Variants in GLT8D2 observed in about 807,000 individuals in gnomAD.
The protein encoded by GLT8D2 is glycosyltransferase 8 domain-containing protein 2.
Under a neutral mutation model 44.5 loss-of-function variants are expected in GLT8D2, and 45 were observed. The ratio of observed to expected loss-of-function variants is 1.01; its 90% CI spans 0.80 to 1.30. The LOEUF (loss-of-function observed/expected upper bound fraction) is 1.30. Ranked by LOEUF, GLT8D2 falls within the 50% of genes most tolerant of loss-of-function variation. GLT8D2 has a pLI of 0.00. For synonymous variants in GLT8D2, 156 were observed against 157.2 expected, an observed-to-expected ratio of 0.99 and a Z score of 0.06; for missense variants, 400 against 430.4, an observed-to-expected ratio of 0.93 and a Z score of 0.62.
At chr12:104,019,416 G>A (rs1877339219) in intron 3 of GLT8D2, among the ~76,000 whole-genome samples, 2 of 151,986 alleles carry the variant, frequency 1.3e-5, no homozygotes, top group Admixed American at 1.3e-4. Context: ...GCGTGAGCCA[G>A]TGCGCCCAGC....
intron 1 of GLT8D2, among the ~76,000 whole-genome samples, chr12:104,061,485 T>G (rs1357608451): frequency 6.6e-6 from 1 of 152,130 alleles, no homozygotes. Flanking sequence ...TTGGGTTTTA[T>G]GAAAAACTCA....
chr12:104,036,741 T>C (rs1346094735), intron 1 of GLT8D2, among the ~76,000 whole-genome samples: 1 of 152,154 alleles, frequency 6.6e-6, no homozygotes, highest in Non-Finnish European at 1.5e-5. Flanking sequence ...CTGTCAATAT[T>C]AGACAAATCA....
chr12:104,004,913 C>T (rs1037185235), intron 4 of GLT8D2, among the ~76,000 whole-genome samples: 27 of 152,168 alleles, frequency 1.8e-4, no homozygotes, highest in African/African-American at 2.2e-4. Context: ...AAAAAGAGCC[C>T]GCATCGCCAA....
rs764265253 is a variant in GLT8D2, at chr12:104,033,420, C to A, written c.-163-11929G>T. Among the ~76,000 whole-genome samples, 21 of 152,056 alleles carry A rather than the reference C, an allele frequency of 1.4e-4. 1 individual carries two copies. Among genetic ancestry groups the A allele is most frequent in the Non-Finnish European group, 2.1e-4 (14 of 68,026 alleles). On this transcript the variant is annotated intron_variant, in intron 1 of 10. Coordinates refer to ENST00000360814, the MANE Select transcript of GLT8D2 (RefSeq NM_001384711.1). ...GCCAGGTAAAGAAAAATGAATACAG[C>A]ATGTTCACTTATATGAGAAATCTAC...
At chr12:104,011,708 A>G (rs1875849333) in intron 4 of GLT8D2, among the ~76,000 whole-genome samples, 1 of 152,182 alleles carries the variant, frequency 6.6e-6, no homozygotes, top group African/African-American at 2.4e-5. Flanking sequence ...AAAATAATAC[A>G]TAATTATTGA....
At chr12:104,005,641 A>G (rs1020488094) in intron 4 of GLT8D2, among the ~76,000 whole-genome samples, 2 of 152,262 alleles carry the variant, frequency 1.3e-5, no homozygotes, top group African/African-American at 4.8e-5. Context: ...AATGCTCACC[A>G]TCACTGGCCA....
chr12:104,032,466 C>CAAAAAAAAAAAAAAAAA (rs547392677), intron 1 of GLT8D2, among the ~76,000 whole-genome samples: 22 of 59,656 alleles, frequency 3.7e-4, no homozygotes, highest in African/African-American at 6.7e-4. Flanking sequence ...TGTGCAATAG[C>CAAAAAAAAAAAAAAAAA]AAAAAAAAAA....
chr12:104,014,466 C>A (rs1876294531), intron 4 of GLT8D2: 2 of 574,906 alleles, frequency 3.5e-6, no homozygotes, highest in Non-Finnish European at 6.2e-6. Flanking sequence ...AGGCAATTCA[C>A]CCCCGAGGAG....
At chr12:103,997,402 C>T (rs1454529811) in intron 7 of GLT8D2, 49 bp downstream of exon 7, 1 of 1,292,992 alleles carries the variant, frequency 7.7e-7, no homozygotes, top group South Asian at 1.2e-5. Flanking sequence ...AGTTATTCTA[C>T]TTATCAGCTG....
chr12:104,003,342 A>G (rs886299836), intron 4 of GLT8D2, 36 bp from the exon 5 acceptor site: 5 of 1,590,410 alleles, frequency 3.1e-6, no homozygotes, highest in Non-Finnish European at 3.4e-6. Flanking sequence ...GGAACATGAA[A>G]GAATTTCACA....
chr12:103,989,862 G>A (rs529275793), intron 10 of GLT8D2, among the ~76,000 whole-genome samples: 2 of 151,804 alleles, frequency 1.3e-5, no homozygotes, highest in Admixed American at 6.6e-5. Context: ...AAATTATTTT[G>A]TTTCTTTATG....
chr12:104,014,035 C>G (rs560779082), intron 4 of GLT8D2, among the ~76,000 whole-genome samples: 1 of 152,298 alleles, frequency 6.6e-6, no homozygotes, highest in East Asian at 1.9e-4. Context: ...GAGCCACCAT[C>G]GCCAGCCCGT....
intron 1 of GLT8D2, among the ~76,000 whole-genome samples, chr12:104,022,023 A>G (rs11111875): frequency 0.71 from 19,039 of 26,836 alleles, 6,926 homozygotes; most frequent in Middle Eastern, 0.77. Context: ...AGAAGAAGAA[A>G]AAGAAGAAGA....
At chr12:104,037,464 A>G (rs944030689) in intron 1 of GLT8D2, among the ~76,000 whole-genome samples, 3 of 152,224 alleles carry the variant, frequency 2.0e-5, no homozygotes, top group Admixed American at 6.5e-5. Flanking sequence ...GCAATAAAAA[A>G]TGACAAAGGA....
chr12:104,025,771 A>AT (rs1273315517), intron 1 of GLT8D2, among the ~76,000 whole-genome samples: 2 of 152,050 alleles, frequency 1.3e-5, no homozygotes, highest in African/African-American at 2.4e-5. Flanking sequence ...TGTGGAACTG[A>AT]TTTTTTTCTT....
rs1375639763 is a variant in GLT8D2 at position 104,003,206 on chromosome 12, G to A, written c.213C>T (p.Ser71=). 1 of 1,613,890 alleles carries A rather than the reference G, an allele frequency of 6.2e-7. No homozygotes were observed. The highest frequency in any genetic ancestry group is 1.3e-5 in the African/African-American group (1 of 74,916). The change falls in exon 5 of 11, where the codon AGC becomes AGT. Residue 71 remains serine (S), a synonymous_variant. Transcript: ENST00000360814. ...TGTTGGCGTCAGTGTTGCTGTAGAT[G>A]CTATTGATGGCAGCCATAGTGGCAC... The part of the protein sequence containing the change: ...RMGATMAAIN[S]IYSNTDANIL...
In GLT8D2 at chr12:104,035,822, C is replaced by T. The variant is rs545457463; in HGVS notation, c.-164+14073G>A. On this transcript the variant is annotated intron_variant, in intron 1 of 10. Transcript: ENST00000360814. ...CAAATTCAGGAAATACAGAGAGCACCGCAAAGATATTCCTCGAGAGGAGCA... is the reference window on the plus strand; with the variant it reads ...CAAATTCAGGAAATACAGAGAGCACTGCAAAGATATTCCTCGAGAGGAGCA... Among the ~76,000 whole-genome samples, 10 of 152,140 alleles carry T rather than the reference C, an allele frequency of 6.6e-5. No homozygotes were observed. In the South Asian group the frequency reaches 1.2e-3, roughly 19 times the overall value.
At chr12:103,997,225 A>G (rs1465245677) in intron 7 of GLT8D2, among the ~76,000 whole-genome samples, 2 of 152,228 alleles carry the variant, frequency 1.3e-5, no homozygotes, top group Admixed American at 1.3e-4. Flanking sequence ...AAAGGCTACC[A>G]AGCTATTTAT....
intron 1 of GLT8D2, among the ~76,000 whole-genome samples, chr12:104,055,485 T>C (rs1882106718): frequency 6.6e-6 from 1 of 152,246 alleles, no homozygotes; most frequent in African/African-American, 2.4e-5. Context: ...AAAATCTTGC[T>C]ATGTGAGGAA....
Sources: gnomAD v4.1 joint callset for allele counts (sites outside exome capture counted in the v4.1 genomes callset) on GRCh38, gnomAD v4.1.1 for gene constraint, MANE v1.5 for transcripts, NCBI Gene and HGNC (gene_info 2026-07-23, HGNC 2026-07-21) for gene names.